Variants in OTOGL observed in about 807,000 individuals in gnomAD.
OTOGL encodes otogelin like, also known as otogelin-like protein.
A neutral mutation model predicts 318.5 loss-of-function variants in OTOGL; 285 were observed. The ratio of observed to expected loss-of-function variants is 0.89; its 90% confidence interval spans 0.81 to 0.99. The LOEUF (loss-of-function observed/expected upper bound fraction) is 0.99, where lower values mean the gene tolerates loss of function less well. OTOGL is among the 50% of genes least tolerant of loss of function. The probability of loss-of-function intolerance (pLI) is 0.00; values close to 1 mark genes in which losing one functional copy is unlikely to be tolerated. For missense variants in OTOGL, 2,899 were observed against 2,845.6 expected (o/e 1.02, Z -0.43); for synonymous variants, 987 against 936.5 (o/e 1.05, Z -0.99).
At chr12:80,328,883 C>A (rs926738311) in intron 36 of OTOGL, 139 bp downstream of exon 36, 3 of 1,026,508 alleles carry the variant, frequency 2.9e-6, no homozygotes, top group African/African-American at 1.6e-5. Flanking sequence ...TCTTACATAG[C>A]TTTTTTTCCC....
At chr12:80,375,673 G>A (rs1347052592) in intron 57 of OTOGL, among the ~76,000 whole-genome samples, 2 of 152,154 alleles carry the variant, frequency 1.3e-5, no homozygotes, top group African/African-American at 4.8e-5. Context: ...ATAGCAAAAT[G>A]TGGCTATTGC....
At position 80,217,651 on chromosome 12, in the gene OTOGL, G is replaced by C; in HGVS notation, c.222G>C (p.Glu74Asp). 1 of 1,546,172 alleles carries C rather than the reference G, an allele frequency of 6.5e-7. No individual in the cohort carries two copies. The highest frequency in any genetic ancestry group is 1.2e-5 in the South Asian group (1 of 86,130). The stretch of plus-strand genomic sequence containing the variant: ...TCCATGATGCTATTAATTGGGGTGA[G>C]AGCAAAATAAAAGGTCAGTGTTTAT... ...YFFHDAINWG[E>D]SKIKGSCPYE... is the part of the protein sequence containing the mutation. Residue 74 changes from glutamate (E) to aspartate (D), a missense_variant, in exon 5 of 59, where the codon GAG (glutamate) becomes GAC (aspartate). Physicochemically the swap from Glu to Asp is conservative, Grantham distance 45 (BLOSUM62 2). Transcript: ENST00000547103.
intron 22 of OTOGL, among the ~76,000 whole-genome samples, chr12:80,268,575 T>C (rs950915601): frequency 6.6e-6 from 1 of 152,200 alleles, no homozygotes; most frequent in Non-Finnish European, 1.5e-5. Context: ...AACTAGCTCT[T>C]GGATCTTTCT....
At chr12:80,205,527 C>A (rs1876754213) in intron 1 of OTOGL, among the ~76,000 whole-genome samples, 1 of 152,136 alleles carries the variant, frequency 6.6e-6, no homozygotes, top group Admixed American at 6.6e-5. Context: ...ATCCCAGAAA[C>A]TGCCAAGCAA....
chr12:80,125,896 AT>A (rs1277696058), intron 1 of OTOGL, among the ~76,000 whole-genome samples: 8 of 152,024 alleles, frequency 5.3e-5, no homozygotes, highest in Non-Finnish European at 7.4e-5. Context: ...CCCCTTTATC[AT>A]TTTTTTATTA....
chr12:80,103,360 A>ATT, intron 1 of OTOGL: 1 of 1,155,612 alleles, frequency 8.7e-7, no homozygotes, highest in Non-Finnish European at 1.3e-6. Flanking sequence ...TCGGTGATCG[A>ATT]TCTTCTTTTC....
At chr12:80,344,682 A>G (rs1435979793) in intron 44 of OTOGL, among the ~76,000 whole-genome samples, 1 of 152,078 alleles carries the variant, frequency 6.6e-6, no homozygotes, top group African/African-American at 2.4e-5. Flanking sequence ...AATTACTAGA[A>G]TATTTTGCTT....
intron 35 of OTOGL, among the ~76,000 whole-genome samples, chr12:80,325,700 C>A (rs1008555465): frequency 6.6e-6 from 1 of 152,208 alleles, no homozygotes; most frequent in Non-Finnish European, 1.5e-5. Flanking sequence ...CTATTTCCTG[C>A]CTCTTCTGGT....
chr12:80,123,005 A>G (rs1342835230), intron 1 of OTOGL, among the ~76,000 whole-genome samples: 1 of 150,668 alleles, frequency 6.6e-6, no homozygotes, highest in African/African-American at 2.4e-5. Context: ...TGTTTCATTA[A>G]CATTTTCCTT....
At chr12:80,192,337 C>T (rs1156938885) in intron 1 of OTOGL, among the ~76,000 whole-genome samples, 2 of 152,228 alleles carry the variant, frequency 1.3e-5, no homozygotes, top group African/African-American at 2.4e-5. Flanking sequence ...TGGTCAACTA[C>T]CCTGCCCTGA....
intron 55 of OTOGL, among the ~76,000 whole-genome samples, chr12:80,370,028 A>T (rs984283383): frequency 6.6e-6 from 1 of 152,038 alleles, no homozygotes; most frequent in Admixed American, 6.6e-5. Context: ...AATAGGGATA[A>T]ATTTTAAAAT....
intron 9 of OTOGL, among the ~76,000 whole-genome samples, chr12:80,235,645 A>G (rs868140229): frequency 1.3e-5 from 2 of 152,226 alleles, no homozygotes; most frequent in African/African-American, 4.8e-5. Flanking sequence ...CTGGAACATA[A>G]AATGGTTGTT....
At chr12:80,224,816 G>A (rs1323739985) in intron 7 of OTOGL, among the ~76,000 whole-genome samples, 2 of 151,998 alleles carry the variant, frequency 1.3e-5, no homozygotes, top group South Asian at 2.1e-4. Context: ...ACAAATCTTC[G>A]TGACCCAGAG....
chr12:80,308,451 C>T lies in OTOGL; in HGVS notation c.3334-2160C>T, dbSNP rs921525876. 1.2e-3 allele frequency among the ~76,000 whole-genome samples: 176 copies of T among 152,026 alleles called. 1 individual carries two copies. The highest frequency in any genetic ancestry group is 1.9e-3 in the East Asian group (10 of 5,130). On this transcript the variant is annotated intron_variant, in intron 29 of 58. Transcript: ENST00000547103. ...GCTCCTCACTTCCCAGATGTGATGG[C>T]GGCCGGGAAGAGACGCTCCTCACTT...
chr12:80,229,376 C>G lies in OTOGL; in HGVS notation c.609C>G (p.Ile203Met). 1 of 1,594,358 alleles carries G rather than the reference C, an allele frequency of 6.3e-7. No homozygotes were observed. Among genetic ancestry groups the G allele is most frequent in the Non-Finnish European group, 8.5e-7 (1 of 1,175,480 alleles). ...GTCATGAAATAAAAAAGAATGGAAT[C>G]AGGTAGGATATGGGAAACAGTGAAA... ...IYGHEIKKNG[I>M]SLTLPQTIGQ... The change falls in exon 8 of 59, where the codon ATC (isoleucine) becomes ATG (methionine). Residue 203 changes from isoleucine to methionine, a missense_variant and splice_region_variant. By Grantham distance (10) the Ile-to-Met change is conservative. Transcript: ENST00000547103.
chr12:80,156,102 G>A (rs1409788815), intron 1 of OTOGL, among the ~76,000 whole-genome samples: 1 of 152,224 alleles, frequency 6.6e-6, no homozygotes, highest in African/African-American at 2.4e-5. Flanking sequence ...GTTGCCAAAG[G>A]AGATTAACAT....
At chr12:80,234,450 G>A (rs1372833073) in intron 9 of OTOGL, among the ~76,000 whole-genome samples, 1 of 152,136 alleles carries the variant, frequency 6.6e-6, no homozygotes, top group Non-Finnish European at 1.5e-5. Context: ...GATGGTGAAA[G>A]GACTACTTAG....
intron 1 of OTOGL, among the ~76,000 whole-genome samples, chr12:80,168,164 C>T (rs192755567): frequency 1.3e-5 from 2 of 152,132 alleles, no homozygotes; most frequent in East Asian, 3.9e-4. Context: ...GCCATGTTGT[C>T]CAGGCTGGTC....
At chr12:80,293,554 C>T (rs752359860) in intron 26 of OTOGL, among the ~76,000 whole-genome samples, 2 of 152,130 alleles carry the variant, frequency 1.3e-5, no homozygotes, top group East Asian at 3.9e-4. Flanking sequence ...TGTGACTGCT[C>T]TATTTTCTGC....
Sources: gnomAD v4.1 joint callset for allele counts (sites outside exome capture counted in the v4.1 genomes callset) on GRCh38, gnomAD v4.1.1 for gene constraint, MANE v1.5 for transcripts, NCBI Gene and HGNC (gene_info 2026-07-23, HGNC 2026-07-21) for gene names.